Variants in AKT3 observed in about 807,000 individuals in gnomAD.
AKT3 encodes the protein AKT serine/threonine kinase 3.
In AKT3, 15 loss-of-function variants were observed where a neutral mutation model predicts 65.3. That is an observed-to-expected ratio of 0.23 (90% CI 0.15 to 0.35). The LOEUF (loss-of-function observed/expected upper bound fraction) is 0.35, where lower values mean the gene tolerates loss of function less well. Ranked by LOEUF, AKT3 falls within the 10% of genes least tolerant of loss-of-function variation. The probability of loss-of-function intolerance (pLI) is 1.00; values close to 1 mark genes in which losing one functional copy is unlikely to be tolerated. For missense variants in AKT3, 243 were observed against 576.5 expected (o/e 0.42, Z 5.92); for synonymous variants, 206 against 183.8 (o/e 1.12, Z -0.98).
intron 6 of AKT3, among the ~76,000 whole-genome samples, chr1:243,627,074 A>G (rs553962952): frequency 5.3e-5 from 8 of 152,344 alleles, no homozygotes; most frequent in Middle Eastern, 6.8e-3. Flanking sequence ...TGTGTCGTGC[A>G]TGAAAAAGGT....
intron 2 of AKT3, among the ~76,000 whole-genome samples, chr1:243,820,267 CA>C (rs928591851): frequency 2.9e-4 from 44 of 152,110 alleles, no homozygotes; most frequent in African/African-American, 9.4e-4. Context: ...GCAGCATCAA[CA>C]AAAAAGTCCC....
chr1:243,571,986 A>C (rs1674595693), intron 9 of AKT3, among the ~76,000 whole-genome samples: 1 of 152,188 alleles, frequency 6.6e-6, no homozygotes, highest in South Asian at 2.1e-4. Context: ...TGTTTCTACC[A>C]ATCATTACGT....
intron 2 of AKT3, among the ~76,000 whole-genome samples, chr1:243,832,759 G>C (rs1202717471): frequency 1.3e-5 from 2 of 152,106 alleles, no homozygotes; most frequent in African/African-American, 4.8e-5. Flanking sequence ...AAAGTGAGAG[G>C]GAGATCTCAG....
intron 8 of AKT3, among the ~76,000 whole-genome samples, chr1:243,599,193 C>A (rs774281262): frequency 1.3e-5 from 2 of 152,122 alleles, no homozygotes; most frequent in East Asian, 3.9e-4. Flanking sequence ...ACAAAAGTTA[C>A]GGCTATCAGA....
chr1:243,629,034 T>C (rs1228209103), intron 6 of AKT3, among the ~76,000 whole-genome samples: 1 of 152,168 alleles, frequency 6.6e-6, no homozygotes, highest in Non-Finnish European at 1.5e-5. Flanking sequence ...CCCAGCACTT[T>C]GGGAGGCCGA....
chr1:243,846,225 C>T (rs998451894), intron 1 of AKT3, among the ~76,000 whole-genome samples: 20 of 152,108 alleles, frequency 1.3e-4, no homozygotes, highest in African/African-American at 4.8e-4. Flanking sequence ...CCCTCCCATC[C>T]CCTAGTCCCC....
chr1:243,568,453 C>G (rs1307127591), intron 9 of AKT3, among the ~76,000 whole-genome samples: 2 of 151,490 alleles, frequency 1.3e-5, no homozygotes, highest in Non-Finnish European at 2.9e-5. Flanking sequence ...AAAAAAAACA[C>G]TAGACATAAT....
At chr1:243,842,349 C>T (rs562618683) in intron 2 of AKT3, among the ~76,000 whole-genome samples, 32 of 152,262 alleles carry the variant, frequency 2.1e-4, no homozygotes, top group African/African-American at 7.5e-4. Flanking sequence ...TCATCCTACT[C>T]GACGTGGCCA....
At chr1:243,489,290 T>TCTTC in intron 13 of AKT3, 4 of 1,106,444 alleles carry the variant, frequency 3.6e-6, no homozygotes, top group Non-Finnish European at 5.1e-6. Flanking sequence ...CTGGGCACAG[T>TCTTC]GCAGGACCCA....
intron 4 of AKT3, among the ~76,000 whole-genome samples, chr1:243,664,496 G>A (rs1038883885): frequency 5.3e-5 from 8 of 151,724 alleles, no homozygotes; most frequent in Non-Finnish European, 8.8e-5. Context: ...GAGCCACCGC[G>A]CCAGGCCAAA....
At chr1:243,542,581 T>C (rs1011827953) in intron 12 of AKT3, among the ~76,000 whole-genome samples, 5 of 152,280 alleles carry the variant, frequency 3.3e-5, no homozygotes, top group African/African-American at 9.6e-5. Flanking sequence ...AATGTAACAA[T>C]AATCCCTGAT....
intron 2 of AKT3, among the ~76,000 whole-genome samples, chr1:243,738,946 T>A (rs913435238): frequency 1.3e-5 from 2 of 152,338 alleles, no homozygotes; most frequent in Admixed American, 1.3e-4. Flanking sequence ...TGTATTTTTG[T>A]GCTTGGAGGC....
rs183108225 is a variant in AKT3 at position 243,501,106 on chromosome 1, A to G, written c.*4143T>C. On this transcript the variant is annotated 3_prime_UTR_variant, in exon 14 of 14. Transcript: ENST00000673466. ...ATTTGGCCGTGTGACATACACATACATGCTTGACTCACTCTGGTCCCAAAA... is the reference window on the plus strand; with the variant it reads ...ATTTGGCCGTGTGACATACACATACGTGCTTGACTCACTCTGGTCCCAAAA... The G allele has an allele frequency of 3.8e-4, 87 of 231,350 alleles. No individual in the cohort carries two copies. Among genetic ancestry groups the G allele is most frequent in the Admixed American group, 2.2e-3 (39 of 17,748 alleles). 14.3% of individuals were successfully genotyped at this position (231,350 alleles called of 1,614,324 possible).
intron 6 of AKT3, among the ~76,000 whole-genome samples, chr1:243,637,049 T>C (rs560310065): frequency 2.0e-5 from 3 of 152,136 alleles, no homozygotes; most frequent in Non-Finnish European, 2.9e-5. Flanking sequence ...CCTGAGGGAA[T>C]TGGGATTTTG....
At chr1:243,728,571 A>C (rs1379144536) in intron 2 of AKT3, among the ~76,000 whole-genome samples, 8 of 152,176 alleles carry the variant, frequency 5.3e-5, no homozygotes, top group Non-Finnish European at 1.2e-4. Flanking sequence ...TTCACCTAAA[A>C]CTTTATGGGA....
chr1:243,820,182 G>A (rs754880835), intron 2 of AKT3, among the ~76,000 whole-genome samples: 3 of 152,072 alleles, frequency 2.0e-5, no homozygotes, highest in Non-Finnish European at 4.4e-5. Context: ...GCCTCCCAAA[G>A]TGCTGGGATT....
chr1:243,538,497 T>C (rs1672081173), intron 12 of AKT3, among the ~76,000 whole-genome samples: 1 of 152,078 alleles, frequency 6.6e-6, no homozygotes, highest in Non-Finnish European at 1.5e-5. Flanking sequence ...TATTTTCTAA[T>C]GAATAACAGA....
At chr1:243,661,422 T>C (rs1451457364) in intron 4 of AKT3, among the ~76,000 whole-genome samples, 4 of 151,972 alleles carry the variant, frequency 2.6e-5, no homozygotes, top group African/African-American at 7.3e-5. Flanking sequence ...CTATCTGATC[T>C]TTGACAAACC....
At chr1:243,704,489 G>A (rs1030965159) in intron 2 of AKT3, among the ~76,000 whole-genome samples, 2 of 152,160 alleles carry the variant, frequency 1.3e-5, no homozygotes, top group Non-Finnish European at 2.9e-5. Flanking sequence ...CATTCTTAGT[G>A]ATCCAGAATG....
Sources: gnomAD v4.1 joint callset for allele counts (sites outside exome capture counted in the v4.1 genomes callset) on GRCh38, gnomAD v4.1.1 for gene constraint, MANE v1.5 for transcripts, NCBI Gene and HGNC (gene_info 2026-07-23, HGNC 2026-07-21) for gene names.